The following B3GALT5 variants were observed in gnomAD, a reference collection of about 807,000 sequenced individuals.
B3GALT5 encodes beta-1,3-galactosyltransferase 5, also known as UDP-Gal:betaGlcNAc beta 1,3-galactosyltransferase, polypeptide 5.
For synonymous variants in B3GALT5, 156 were observed against 158.6 expected (o/e 0.98, Z 0.12); for missense variants, 328 against 396.6 (o/e 0.83, Z 1.47).
chr21:39,659,996 A>G (rs2079494158), intron 3 of B3GALT5, 84 bp downstream of exon 3: 2 of 789,634 alleles, frequency 2.5e-6, no homozygotes, highest in Admixed American at 1.2e-4. Context: ...GGTGGGCAGA[A>G]CAGGAAAGAA....
chr21:39,656,055 G>A (rs1183952673), intron 2 of B3GALT5, among the ~76,000 whole-genome samples: 1 of 152,178 alleles, frequency 6.6e-6, no homozygotes, highest in Non-Finnish European at 1.5e-5. Flanking sequence ...GGCCAGCCTA[G>A]AGTAGAATGA....
At chr21:39,625,726 G>A (rs2079160228) in intron 1 of B3GALT5, among the ~76,000 whole-genome samples, 1 of 152,196 alleles carries the variant, frequency 6.6e-6, no homozygotes, top group Non-Finnish European at 1.5e-5. Context: ...AGGGACTCCT[G>A]ATGTCTGAAG....
chr21:39,645,730 C>G (rs1187318396), intron 1 of B3GALT5, among the ~76,000 whole-genome samples: 1 of 152,142 alleles, frequency 6.6e-6, no homozygotes, highest in African/African-American at 2.4e-5. Flanking sequence ...GACCTGTTGT[C>G]CCTGTTCCAG....
At chr21:39,614,792 G>A (rs920269398) in intron 1 of B3GALT5, among the ~76,000 whole-genome samples, 1 of 152,156 alleles carries the variant, frequency 6.6e-6, no homozygotes, top group Non-Finnish European at 1.5e-5. Flanking sequence ...GGCATCCCAG[G>A]GGATGCCCCC....
intron 1 of B3GALT5, among the ~76,000 whole-genome samples, chr21:39,621,757 C>T (rs2079135692): frequency 6.6e-6 from 1 of 151,768 alleles, no homozygotes; most frequent in African/African-American, 2.4e-5. Flanking sequence ...TGTTGCAGAC[C>T]TTTTTGACTT....
chr21:39,650,949 G>A (rs1056548473), intron 2 of B3GALT5, among the ~76,000 whole-genome samples: 1 of 150,952 alleles, frequency 6.6e-6, no homozygotes, highest in African/African-American at 2.4e-5. Flanking sequence ...CCAGCCAGAA[G>A]ACAAGGTCAG....
intron 1 of B3GALT5, among the ~76,000 whole-genome samples, chr21:39,616,913 C>T (rs969472561): frequency 2.6e-5 from 4 of 152,178 alleles, no homozygotes; most frequent in African/African-American, 9.7e-5. Flanking sequence ...GGAGGCATTA[C>T]ATTTTTTATT....
At chr21:39,640,873 G>A (rs1241510943) in intron 1 of B3GALT5, among the ~76,000 whole-genome samples, 1 of 152,072 alleles carries the variant, frequency 6.6e-6, no homozygotes, top group African/African-American at 2.4e-5. Flanking sequence ...CTGAGTAGCT[G>A]GAACAATGGG....
intron 1 of B3GALT5, among the ~76,000 whole-genome samples, chr21:39,622,444 C>G (rs2079138945): frequency 6.6e-6 from 1 of 151,866 alleles, no homozygotes; most frequent in South Asian, 2.1e-4. Flanking sequence ...TTCTAAAGAT[C>G]TATATTATAC....
At chr21:39,657,918 T>C in intron 2 of B3GALT5, 1 of 1,231,318 alleles carries the variant, frequency 8.1e-7, no homozygotes, top group Non-Finnish European at 1.0e-6. Flanking sequence ...GCACAGATAG[T>C]GCCTGTTCAT....
chr21:39,660,390 G>A (rs1437933689), intron 3 of B3GALT5, among the ~76,000 whole-genome samples, 170 bp from the exon 4 acceptor site: 1 of 152,218 alleles, frequency 6.6e-6, no homozygotes, highest in Non-Finnish European at 1.5e-5. Flanking sequence ...GCTGGCAGAT[G>A]TTAGACCTTT....
intron 2 of B3GALT5, chr21:39,657,966 A>G: frequency 8.3e-7 from 1 of 1,204,744 alleles, no homozygotes; most frequent in Non-Finnish European, 1.0e-6. Context: ...GCTTGTGCTG[A>G]GGGCTTCTGC....
chr21:39,625,297 C>T (rs890677658), intron 1 of B3GALT5, among the ~76,000 whole-genome samples: 2 of 152,166 alleles, frequency 1.3e-5, no homozygotes, highest in Non-Finnish European at 2.9e-5. Context: ...AAGCAGTTTT[C>T]GTGTGTGATC....
At chr21:39,656,425 T>G (rs2079444984) in intron 2 of B3GALT5, among the ~76,000 whole-genome samples, 1 of 152,162 alleles carries the variant, frequency 6.6e-6, no homozygotes, top group African/African-American at 2.4e-5. Flanking sequence ...ACACCTCCCC[T>G]TCAAGGACCA....
intron 1 of B3GALT5, among the ~76,000 whole-genome samples, chr21:39,636,254 T>C (rs942802508): frequency 2.0e-5 from 3 of 152,236 alleles, no homozygotes; most frequent in Non-Finnish European, 1.5e-5. Flanking sequence ...CACTCCATTA[T>C]TGATATACTA....
At chr21:39,653,309 G>C (rs578183646) in intron 2 of B3GALT5, among the ~76,000 whole-genome samples, 19 of 152,332 alleles carry the variant, frequency 1.2e-4, no homozygotes, top group African/African-American at 4.6e-4. Context: ...TCATTCTGCT[G>C]TTGATGGAAA....
intron 2 of B3GALT5, among the ~76,000 whole-genome samples, chr21:39,655,070 A>G (rs1047092867): frequency 1.3e-5 from 2 of 152,240 alleles, no homozygotes; most frequent in Middle Eastern, 3.2e-3. Flanking sequence ...TGGAGGCTGG[A>G]AAGTCCCAAG....
At chr21:39,648,215 T>C (rs960480163) in intron 2 of B3GALT5, among the ~76,000 whole-genome samples, 1 of 152,212 alleles carries the variant, frequency 6.6e-6, no homozygotes, top group East Asian at 1.9e-4. Context: ...CAGAAAAGAA[T>C]GCATCAGATT....
At chr21:39,619,249 C>T (rs1262921642) in intron 1 of B3GALT5, among the ~76,000 whole-genome samples, 1 of 152,146 alleles carries the variant, frequency 6.6e-6, no homozygotes. Context: ...TGGTGAGGAC[C>T]CTCTTCAGGG....
Sources: gnomAD v4.1 joint callset for allele counts (sites outside exome capture counted in the v4.1 genomes callset) on GRCh38, gnomAD v4.1.1 for gene constraint, MANE v1.5 for transcripts, NCBI Gene and HGNC (gene_info 2026-07-23, HGNC 2026-07-21) for gene names.